Variants in MYBL2 observed in about 807,000 individuals in gnomAD.
MYBL2 encodes the protein myb-related protein B.
A neutral mutation model predicts 79.9 loss-of-function variants in MYBL2; 28 were observed. The observed-to-expected ratio is 0.35, with a 90% confidence interval of 0.26 to 0.48. The LOEUF (loss-of-function observed/expected upper bound fraction) is 0.48, where lower values mean the gene tolerates loss of function less well. MYBL2 is among the 20% of genes least tolerant of loss of function. The pLI is 0.99. For missense variants in MYBL2, 735 were observed against 893.9 expected (o/e 0.82, Z 2.27); for synonymous variants, 378 against 361.2 (o/e 1.05, Z -0.53).
At chr20:43,671,892 T>A (rs1986867234) in intron 1 of MYBL2, among the ~76,000 whole-genome samples, 2 of 151,968 alleles carry the variant, frequency 1.3e-5, no homozygotes, top group Non-Finnish European at 2.9e-5. Flanking sequence ...TTTTTTTTTT[T>A]TCCCCTACAG....
Position 43,711,518 on chromosome 20 carries a change from A to G in MYBL2, c.1636A>G (p.Lys546Glu), listed in dbSNP as rs200093250. 140 of 1,613,624 alleles carry G rather than the reference A, an allele frequency of 8.7e-5. 2 individuals carry two copies. In the South Asian group the frequency reaches 1.4e-3, roughly 16 times the overall value. ...GACCCCGCACCTGGAGGAGGACTTGAAGGAGGTGCTGCGTTCTGAGGCTGG... is the reference window on the plus strand; with the variant it reads ...GACCCCGCACCTGGAGGAGGACTTGGAGGAGGTGCTGCGTTCTGAGGCTGG... ...PQTPHLEEDL[K>E]EVLRSEAGIE... The change falls in exon 11 of 14, where the codon AAG (lysine) becomes GAG (glutamate). Residue 546 changes from lysine to glutamate, a missense_variant. Lys to Glu is a moderately conservative substitution (Grantham distance 56, BLOSUM62 1). Around this residue, in one of 5 missense-constraint regions of MYBL2, gnomAD observed 204 missense variants for 202.9 expected, o/e 1.01. Coordinates refer to ENST00000217026, the MANE Select transcript of MYBL2 (RefSeq NM_002466.4).
At chr20:43,685,830 G>A (rs1395668395) in intron 4 of MYBL2, among the ~76,000 whole-genome samples, 1 of 151,848 alleles carries the variant, frequency 6.6e-6, no homozygotes, top group East Asian at 2.0e-4. Context: ...CTGAGGTCGG[G>A]AGTTCAAGAC....
At chr20:43,699,269 C>G (rs1329067375) in intron 6 of MYBL2, among the ~76,000 whole-genome samples, 2 of 152,120 alleles carry the variant, frequency 1.3e-5, no homozygotes, top group Admixed American at 6.6e-5. Context: ...TGATCTCGAA[C>G]TCTTGACCTC....
At position 43,713,083 on chromosome 20, in the gene MYBL2, A is replaced by G. The variant is rs1315878621; in HGVS notation, c.1801A>G (p.Thr601Ala). 1.9e-6 allele frequency: 3 copies of G among 1,612,768 alleles called. No homozygotes were observed. The highest frequency in any genetic ancestry group is 2.5e-6 in the Non-Finnish European group (3 of 1,179,518). Residue 601 changes from threonine to alanine, a missense_variant, in exon 12 of 14, where the codon ACA becomes GCA. By Grantham distance (58) the Thr-to-Ala change is moderately conservative. Around this residue, in one of 5 missense-constraint regions of MYBL2, gnomAD observed 204 missense variants for 202.9 expected, o/e 1.01. Coordinates refer to ENST00000217026, the MANE Select transcript of MYBL2 (RefSeq NM_002466.4). Reference protein sequence around the residue: ...VDEDVKLMMSTLPKSLSLPTT... With the variant: ...VDEDVKLMMSALPKSLSLPTT... ...TGAGGATGTGAAGCTGATGATGTCC[A>G]CACTGCCCAAGTCTCTATCCTTGGT...
intron 2 of MYBL2, among the ~76,000 whole-genome samples, chr20:43,679,609 C>T (rs1568851547): frequency 6.6e-6 from 1 of 151,706 alleles, no homozygotes; most frequent in Non-Finnish European, 1.5e-5. Context: ...TCATTAAAAA[C>T]AAAACAAAAA....
chr20:43,675,336 G>T (rs113041797), intron 2 of MYBL2, among the ~76,000 whole-genome samples: 2,413 of 132,466 alleles, frequency 0.018, 65 homozygotes, highest in African/African-American at 0.065. Context: ...TTTTTTTTTT[G>T]AGATGGAGTC....
At position 43,682,860 on chromosome 20, in the gene MYBL2, C is replaced by T; in HGVS notation, c.253C>T (p.Pro85Ser). 1 of 1,613,988 alleles carries T rather than the reference C, an allele frequency of 6.2e-7. No homozygotes were observed. Among genetic ancestry groups the T allele is most frequent in the African/African-American group, 1.3e-5 (1 of 75,034 alleles). ...TTTGAATCCAGACCTTGTCAAGGGGCCATGGACCAAAGAGGAAGACCAAAA... is the reference window on the plus strand; with the variant it reads ...TTTGAATCCAGACCTTGTCAAGGGGTCATGGACCAAAGAGGAAGACCAAAA... ...RVLNPDLVKG[P>S]WTKEEDQKVI... The change falls in exon 4 of 14, where the codon CCA becomes TCA. Residue 85 changes from proline to serine, a missense_variant. Transcript: ENST00000217026.
At chr20:43,712,045 C>A (rs1987919826) in intron 11 of MYBL2, among the ~76,000 whole-genome samples, 3 of 151,386 alleles carry the variant, frequency 2.0e-5, no homozygotes, top group Admixed American at 2.0e-4. Flanking sequence ...GATGAGCCAG[C>A]CAGGCCAGGC....
At chr20:43,667,388 G>A in intron 1 of MYBL2, 85 bp downstream of exon 1, 1 of 984,834 alleles carries the variant, frequency 1.0e-6, no homozygotes, top group African/African-American at 1.7e-5. Context: ...CCCTCCCCAG[G>A]CTCCCACCAA....
At chr20:43,670,224 G>A (rs538780345) in intron 1 of MYBL2, among the ~76,000 whole-genome samples, 1 of 152,356 alleles carries the variant, frequency 6.6e-6, no homozygotes, top group East Asian at 1.9e-4. Context: ...CTTTGTGCTG[G>A]ATGCTGGAGA....
Position 43,716,318 on chromosome 20 carries a change from G to A in MYBL2, c.*231G>A. 1 of 591,148 alleles carries A rather than the reference G, an allele frequency of 1.7e-6. No individual in the cohort carries two copies. The highest frequency in any genetic ancestry group is 2.8e-6 in the Non-Finnish European group (1 of 356,826). 36.6% of individuals were successfully genotyped at this position (591,148 alleles called of 1,614,324 possible). On this transcript the variant is annotated 3_prime_UTR_variant, in exon 14 of 14. Coordinates refer to ENST00000217026, the MANE Select transcript of MYBL2 (RefSeq NM_002466.4). ...AAAGTTCCACTTCCAGGTCTGCCTG[G>A]TTCCCTCCCCAAGGCCACAGGGAGC...
At chr20:43,691,257 G>T (rs140195476) in intron 5 of MYBL2, among the ~76,000 whole-genome samples, 1 of 152,130 alleles carries the variant, frequency 6.6e-6, no homozygotes, top group African/African-American at 2.4e-5. Context: ...GGCAGGGAAG[G>T]GGGTGAGAGT....
chr20:43,716,067 C>A lies in MYBL2; in HGVS notation c.2083C>A (p.Arg695=). 1 of 1,608,886 alleles carries A rather than the reference C, an allele frequency of 6.2e-7. No homozygotes were observed. Among genetic ancestry groups the A allele is most frequent in the Non-Finnish European group, 8.5e-7 (1 of 1,179,800 alleles). The part of the protein sequence containing the change: ...LGRLKPSHTS[R]TLILS ...CCGCCTGAAGCCCAGCCACACATCT[C>A]GGACCCTCATCTTGTCCTGAGGTGT... Residue 695 remains arginine, a synonymous_variant, in exon 14 of 14, where the codon CGG becomes AGG. Coordinates refer to ENST00000217026, the MANE Select transcript of MYBL2 (RefSeq NM_002466.4).
At chr20:43,694,318 T>G (rs1161764042) in intron 6 of MYBL2, among the ~76,000 whole-genome samples, 1 of 151,516 alleles carries the variant, frequency 6.6e-6, no homozygotes, top group Non-Finnish European at 1.5e-5. Flanking sequence ...GGTGACAGAG[T>G]GAGACTCTGT....
intron 9 of MYBL2, 150 bp downstream of exon 9, chr20:43,705,508 A>C (rs979119646): frequency 5.4e-6 from 5 of 926,856 alleles, no homozygotes; most frequent in Non-Finnish European, 7.4e-6. Context: ...CTTTCTGGCC[A>C]CCACGATTTA....
intron 1 of MYBL2, among the ~76,000 whole-genome samples, chr20:43,668,957 C>T (rs1173067290): frequency 1.3e-5 from 2 of 152,114 alleles, no homozygotes; most frequent in African/African-American, 2.4e-5. Context: ...GCCTCTGCCT[C>T]CCGGGTTCAA....
chr20:43,694,195 G>A (rs1331059434), intron 6 of MYBL2, among the ~76,000 whole-genome samples: 1 of 152,046 alleles, frequency 6.6e-6, no homozygotes, highest in Non-Finnish European at 1.5e-5. Flanking sequence ...AGCTGGGCGT[G>A]GTGGCGGGTG....
intron 8 of MYBL2, among the ~76,000 whole-genome samples, chr20:43,704,572 T>G (rs948733741): frequency 1.3e-5 from 2 of 152,124 alleles, no homozygotes; most frequent in Non-Finnish European, 1.5e-5. Context: ...TGCAGATGGC[T>G]CTCTATTATA....
intron 1 of MYBL2, among the ~76,000 whole-genome samples, chr20:43,672,084 G>A (rs1007877152): frequency 3.9e-5 from 6 of 151,960 alleles, no homozygotes; most frequent in African/African-American, 9.7e-5. Context: ...GGTGGCAGGC[G>A]TCTGTAATCT....
Sources: gnomAD v4.1 joint callset for allele counts (sites outside exome capture counted in the v4.1 genomes callset) on GRCh38, gnomAD v4.1.1 for gene constraint, gnomAD v4.1.1 regional missense constraint, MANE v1.5 for transcripts, NCBI Gene and HGNC (gene_info 2026-07-23, HGNC 2026-07-21) for gene names.